Variants in LYST observed in about 807,000 individuals in gnomAD.
LYST encodes the protein lysosomal trafficking regulator.
Under a neutral mutation model 413.6 loss-of-function variants are expected in LYST, and 192 were observed. The observed-to-expected ratio is 0.46, with a 90% CI of 0.41 to 0.52. LYST has a LOEUF of 0.52. Among genes scored for constraint, LYST ranks in the 20% least tolerant of loss-of-function variants. The pLI is 0.00. For synonymous variants in LYST, 1,525 were observed against 1,567.3 expected (o/e 0.97, Z 0.64); for missense variants, 3,815 against 4,499.9 (o/e 0.85, Z 4.35).
Position 235,830,422 on chromosome 1 carries a change from G to A in LYST, c.-5C>T, listed in dbSNP as rs141317482. On this transcript the variant is annotated splice_region_variant and 5_prime_UTR_variant, in exon 3 of 53. Coordinates refer to ENST00000389793, the MANE Select transcript of LYST (RefSeq NM_000081.4). ...TGAGTTACTGTCGGTGCTCATGACC[G>A]AGCTATAAAATAAGTATTACAAAAA... 9,659 of 1,603,548 alleles carry A rather than the reference G, an allele frequency of 6.0e-3. 25 individuals are homozygous for A. Among genetic ancestry groups the A allele is most frequent in the Non-Finnish European group, 7.3e-3 (8,552 of 1,173,438 alleles).
intron 23 of LYST, among the ~76,000 whole-genome samples, chr1:235,758,409 C>T (rs778885846): frequency 7.9e-5 from 12 of 152,196 alleles, no homozygotes; most frequent in Non-Finnish European, 1.6e-4. Context: ...ACTGGTATTG[C>T]TTTCTGAGGC....
At chr1:235,670,308 T>C (rs748233134) in intron 50 of LYST, among the ~76,000 whole-genome samples, 1 of 152,190 alleles carries the variant, frequency 6.6e-6, no homozygotes, top group African/African-American at 2.4e-5. Context: ...TAAAAACTTT[T>C]CTCTCCTTTG....
intron 38 of LYST, among the ~76,000 whole-genome samples, chr1:235,726,136 T>TA (rs1247861737): frequency 6.6e-6 from 1 of 152,160 alleles, no homozygotes; most frequent in East Asian, 1.9e-4. Flanking sequence ...TTTTTCCTTT[T>TA]AAAAAAATTG....
intron 47 of LYST, among the ~76,000 whole-genome samples, chr1:235,692,779 G>A (rs565183208): frequency 4.6e-5 from 7 of 152,060 alleles, no homozygotes; most frequent in Non-Finnish European, 8.8e-5. Context: ...CCAGCACTCT[G>A]GGAGGCCAAG....
At chr1:235,713,570 C>T (rs569866611) in intron 42 of LYST, among the ~76,000 whole-genome samples, 1 of 152,302 alleles carries the variant, frequency 6.6e-6, no homozygotes, top group East Asian at 1.9e-4. Context: ...GGTTATTTGG[C>T]AATGTCTAGC....
intron 22 of LYST, among the ~76,000 whole-genome samples, chr1:235,761,124 A>G (rs756922197): frequency 6.6e-6 from 1 of 152,166 alleles, no homozygotes; most frequent in Non-Finnish European, 1.5e-5. Context: ...AAAGAAAAGG[A>G]AAACTAATAA....
chr1:235,739,013 C>T (rs1360313640), intron 31 of LYST: 2 of 692,760 alleles, frequency 2.9e-6, no homozygotes, highest in African/African-American at 3.5e-5. Context: ...CATACTATTT[C>T]ACTGTCTAGG....
At position 235,687,026 on chromosome 1, in the gene LYST, G is replaced by C; in HGVS notation, c.10723C>G (p.Pro3575Ala). The C allele has an allele frequency of 6.2e-7, 1 of 1,613,418 alleles. No homozygotes were observed. ...QYQVTSCAWV[P>A]DSCQLFTGSK... is the part of the protein sequence containing the mutation. ...CCAGTAAACAGCTGGCAACTGTCAG[G>C]CACCCAAGCACAACTAGTCACCTTT... Residue 3575 changes from proline (P) to alanine (A), a missense_variant, in exon 48 of 53, where the codon CCT (proline) becomes GCT (alanine). By Grantham distance (27) the Pro-to-Ala change is conservative. Coordinates refer to ENST00000389793, the MANE Select transcript of LYST (RefSeq NM_000081.4).
chr1:235,800,308 G>C lies in LYST; in HGVS notation c.4006+12C>G. On this transcript the variant is annotated intron_variant, in intron 10 of 52. Coordinates refer to ENST00000389793, the MANE Select transcript of LYST (RefSeq NM_000081.4). ...AATTTCAGAGCTATTGTTTAAAACAGTTTCAACTTACCTTGAAAATCAGAA... is the reference window on the plus strand; with the variant it reads ...AATTTCAGAGCTATTGTTTAAAACACTTTCAACTTACCTTGAAAATCAGAA... The C allele has an allele frequency of 6.5e-7, 1 of 1,530,042 alleles. No individual in the cohort carries two copies. The allele number at this position is 1,530,042 out of a possible 1,614,324, so 94.8% of individuals were successfully genotyped here.
chr1:235,823,272 T>C (rs1412824767), intron 3 of LYST, among the ~76,000 whole-genome samples: 1 of 152,222 alleles, frequency 6.6e-6, no homozygotes, highest in East Asian at 1.9e-4. Flanking sequence ...GAAGTAGGAA[T>C]GCCAACATCC....
intron 31 of LYST, chr1:235,736,964 A>G (rs572148706): frequency 6.6e-6 from 1 of 152,284 alleles, no homozygotes; most frequent in Admixed American, 6.5e-5. Flanking sequence ...AACCATGTAG[A>G]CATTTCACAT....
rs181236846 is a variant in LYST, at chr1:235,738,823, C to A, written c.8358+2599G>T. Reference sequence around the variant, plus strand: ...CTTAGGCGGGTGCACCCAATTTCCACCATGATTGGTGGAATAAAGGATGAT... The same window carrying A: ...CTTAGGCGGGTGCACCCAATTTCCAACATGATTGGTGGAATAAAGGATGAT... On this transcript the variant is annotated intron_variant, in intron 31 of 52. Coordinates refer to ENST00000389793, the MANE Select transcript of LYST (RefSeq NM_000081.4). 1.7e-3 allele frequency: 1,321 copies of A among 793,784 alleles called. 12 individuals are homozygous for A. The highest frequency in any genetic ancestry group is 1.1e-3 in the Non-Finnish European group (475 of 434,018). The allele number at this position is 793,784 out of a possible 1,614,324, so 49.2% of individuals were successfully genotyped here. A position where few individuals can be genotyped will look rare whatever the true frequency, so the allele number is the denominator to read the frequency against.
rs1337691026 is a variant in LYST at position 235,671,803 on chromosome 1, T to G, written c.11038+5288A>C. On this transcript the variant is annotated intron_variant, in intron 50 of 52. Transcript: ENST00000389793. ...GCGTAGATATGTAAATGGGAAGCAATTAGATTAAGAAGAGGATGACATAAT... is the reference window on the plus strand; with the variant it reads ...GCGTAGATATGTAAATGGGAAGCAAGTAGATTAAGAAGAGGATGACATAAT... Among the ~76,000 whole-genome samples, 5 of 152,084 alleles carry G rather than the reference T, an allele frequency of 3.3e-5. 1 individual carries two copies. The highest frequency in any genetic ancestry group is 4.4e-5 in the Non-Finnish European group (3 of 68,016).
At chr1:235,665,134 C>T (rs1403412258) in intron 50 of LYST, among the ~76,000 whole-genome samples, 1 of 151,628 alleles carries the variant, frequency 6.6e-6, no homozygotes, top group African/African-American at 2.4e-5. Context: ...GAGACAATAA[C>T]CAGCGAAAAA....
rs148542548 is a variant in LYST at position 235,800,976 on chromosome 1, C to G, written c.3834G>C (p.Leu1278Phe). The G allele has an allele frequency of 1.9e-6, 3 of 1,613,498 alleles. No individual in the cohort carries two copies. Among genetic ancestry groups the G allele is most frequent in the Non-Finnish European group, 2.5e-6 (3 of 1,179,668 alleles). Residue 1278 changes from leucine (L) to phenylalanine (F), a missense_variant, in exon 9 of 53, where the codon TTG becomes TTC. Transcript: ENST00000389793. ...CAAGTTTGGCTTTACTAGCAGAAAGCAAATTTAATTCCAGCATACAAATCT... is the reference window on the plus strand; with the variant it reads ...CAAGTTTGGCTTTACTAGCAGAAAGGAAATTTAATTCCAGCATACAAATCT... Reference protein sequence around the residue: ...YPEICMLELNLLSASKAKLDV... With the variant: ...YPEICMLELNFLSASKAKLDV...
intron 47 of LYST, among the ~76,000 whole-genome samples, chr1:235,693,053 C>T (rs1177821606): frequency 2.0e-5 from 3 of 149,042 alleles, no homozygotes; most frequent in African/African-American, 7.4e-5. Context: ...TGGTGGCTCA[C>T]ACCTGTAATC....
chr1:235,704,245 GA>G (rs946919553), intron 44 of LYST, among the ~76,000 whole-genome samples: 22 of 152,164 alleles, frequency 1.4e-4, no homozygotes, highest in Non-Finnish European at 2.6e-4. Flanking sequence ...ACGGTAGAAT[GA>G]TTTACATTCT....
At chr1:235,865,105 T>C (rs1572496922) in intron 1 of LYST, among the ~76,000 whole-genome samples, 1 of 152,194 alleles carries the variant, frequency 6.6e-6, no homozygotes, top group Non-Finnish European at 1.5e-5. Context: ...CACAGCCAAA[T>C]CAGCCTCTCT....
chr1:235,830,390 G>A lies in LYST; in HGVS notation c.28C>T (p.Arg10Cys), dbSNP rs767877661. 2.4e-5 allele frequency: 38 copies of A among 1,612,988 alleles called. No individual in the cohort carries two copies. The highest frequency in any genetic ancestry group is 5.0e-5 in the Admixed American group (3 of 59,910). ...CGGTTGACATCGGTCAGAAATTCAC[G>A]TGCCAGTGAGTTACTGTCGGTGCTC... MSTDSNSLA[R>C]EFLTDVNRLC... The change falls in exon 3 of 53, where the codon CGT (arginine) becomes TGT (cysteine). Residue 10 changes from arginine (R) to cysteine (C), a missense_variant. Around this residue, in one of 4 missense-constraint regions of LYST, gnomAD observed 1,648 missense variants for 1,810.3 expected, o/e 0.91. Coordinates refer to ENST00000389793, the MANE Select transcript of LYST (RefSeq NM_000081.4).
Sources: allele counts gnomAD v4.1 joint callset (sites outside exome capture counted in the v4.1 genomes callset), GRCh38; gene constraint gnomAD v4.1.1; regional missense constraint gnomAD v4.1.1; transcripts MANE v1.5; gene names NCBI Gene and HGNC (gene_info 2026-07-23, HGNC 2026-07-21).